Variants in CERCAM observed in about 807,000 individuals in gnomAD.
CERCAM encodes cerebral endothelial cell adhesion molecule.
CERCAM carries 59 observed loss-of-function variants against 66.0 expected under a neutral mutation model. That is an observed-to-expected ratio of 0.89 (90% confidence interval 0.73 to 1.11). The LOEUF (loss-of-function observed/expected upper bound fraction) is 1.11, where lower values mean the gene tolerates loss of function less well. Ranked by LOEUF, CERCAM falls within the 50% of genes most tolerant of loss-of-function variation. CERCAM has a pLI of 0.00. For synonymous variants in CERCAM, 318 were observed against 343.6 expected, an observed-to-expected ratio of 0.93 and a Z score of 0.83; for missense variants, 840 against 828.3, an observed-to-expected ratio of 1.01 and a Z score of -0.17.
chr9:128,432,381 T>G (rs909040103), intron 9 of CERCAM, among the ~76,000 whole-genome samples: 1 of 124,264 alleles, frequency 8.0e-6, no homozygotes, highest in African/African-American at 3.3e-5. Flanking sequence ...GGTTCACTAC[T>G]TTTTTTTTTT....
At chr9:128,436,287 C>T (rs766194374) in intron 12 of CERCAM, among the ~76,000 whole-genome samples, 92 of 152,232 alleles carry the variant, frequency 6.0e-4, no homozygotes, top group Middle Eastern at 6.8e-3. Context: ...TTTGCCCAGG[C>T]TGGAGTGCAG....
In CERCAM at chr9:128,434,241, G is replaced by T; in HGVS notation, c.1331+12G>T. 4 of 1,613,838 alleles carry T rather than the reference G, an allele frequency of 2.5e-6. No individual in the cohort carries two copies. The highest frequency in any genetic ancestry group is 3.4e-6 in the Non-Finnish European group (4 of 1,179,904). On this transcript the variant is annotated intron_variant, in intron 10 of 12. Coordinates refer to ENST00000372838, the MANE Select transcript of CERCAM (RefSeq NM_016174.5). The surrounding 1 kb of genome is among the most constrained non-coding windows in gnomAD (Gnocchi z 4.5). Reference sequence around the variant, plus strand: ...TCTTGGGACCTGATGTAGGCAGCCTGCACCCTCAGGGACAAGGGGGCAGGG... The same window carrying T: ...TCTTGGGACCTGATGTAGGCAGCCTTCACCCTCAGGGACAAGGGGGCAGGG...
chr9:128,428,132 A>T (rs1278162483), intron 5 of CERCAM, among the ~76,000 whole-genome samples, 170 bp from the exon 6 acceptor site: 1 of 152,116 alleles, frequency 6.6e-6, no homozygotes, highest in Non-Finnish European at 1.5e-5. Flanking sequence ...AAGACCCCTT[A>T]GATATTGTGT....
chr9:128,421,068 C>G lies in CERCAM; in HGVS notation c.191C>G (p.Ala64Gly). 7.6e-7 allele frequency: 1 copy of G among 1,316,240 alleles called. No homozygotes were observed. The highest frequency in any genetic ancestry group is 9.7e-7 in the Non-Finnish European group (1 of 1,030,278). 81.5% of individuals were successfully genotyped at this position (1,316,240 alleles called of 1,614,324 possible). A position where few individuals can be genotyped will look rare whatever the true frequency, so the allele number is the denominator to read the frequency against. The stretch of plus-strand genomic sequence containing the variant: ...CTGGACTACCCCCGGGCCAGGATGG[C>G]CCTCTGGTGAGAGACCCGGGCATTG... ...ERLDYPRARM[A>G]LWCATDHNVD... The change falls in exon 1 of 13, where the codon GCC becomes GGC. Residue 64 changes from alanine (A) to glycine (G), a missense_variant. By Grantham distance (60) the Ala-to-Gly change is moderately conservative (BLOSUM62 0). Transcript: ENST00000372838.
chr9:128,423,404 G>A, intron 3 of CERCAM, 141 bp downstream of exon 3: 1 of 683,348 alleles, frequency 1.5e-6, no homozygotes, highest in Non-Finnish European at 2.5e-6. Context: ...ATCACCTGAG[G>A]TCAGAAGTTC....
At position 128,434,611 on chromosome 9, in the gene CERCAM, C is replaced by T. The variant is rs1834066541; in HGVS notation, c.1533C>T (p.Pro511=). 1.9e-6 allele frequency: 3 copies of T among 1,590,256 alleles called. No homozygotes were observed. The East Asian group carries it at 6.8e-5, about 36-fold the overall frequency. The change falls in exon 11 of 13, where the codon CCC becomes CCT. Residue 511 remains proline (P), a splice_region_variant and synonymous_variant. Transcript: ENST00000372838. The surrounding 1 kb of genome is among the most constrained non-coding windows in gnomAD (Gnocchi z 4.5). ...EFLPIMFDQH[P]NEQYKAHFWP... ...TGCCCATCATGTTCGACCAGCACCCCAAGTGAGGCTCTGATGGGGGCCGGG... is the reference window on the plus strand; with the variant it reads ...TGCCCATCATGTTCGACCAGCACCCTAAGTGAGGCTCTGATGGGGGCCGGG...
intron 1 of CERCAM, chr9:128,421,345 T>A: frequency 8.4e-7 from 1 of 1,192,530 alleles, no homozygotes. Flanking sequence ...CTTCCCTGGG[T>A]GTAGGTTGGG....
intron 9 of CERCAM, 36 bp downstream of exon 9, chr9:128,431,339 G>C (rs1448201125): frequency 6.2e-7 from 1 of 1,611,944 alleles, no homozygotes. Context: ...ACAGCCTTCG[G>C]GGAGAACGGG....
Position 128,424,593 on chromosome 9 carries a change from G to C in CERCAM, c.745G>C (p.Ala249Pro), listed in dbSNP as rs374800255. The C allele has an allele frequency of 6.2e-7, 1 of 1,614,010 alleles. No individual in the cohort carries two copies. The highest frequency in any genetic ancestry group is 2.2e-5 in the East Asian group (1 of 44,886). ...TWPFDDIIVF[A>P]YACQAAGVSV... The stretch of plus-strand genomic sequence containing the variant: ...GCCTTTCGACGACATCATCGTCTTC[G>C]CCTATGCCTGCCAGGCTGCTGGTGA... Residue 249 changes from alanine (A) to proline (P), a missense_variant, in exon 5 of 13, where the codon GCC becomes CCC. Transcript: ENST00000372838.
Position 128,437,071 on chromosome 9 carries a change from C to G in CERCAM, c.*223C>G, listed in dbSNP as rs1311664162. On this transcript the variant is annotated 3_prime_UTR_variant, in exon 13 of 13. Coordinates refer to ENST00000372838, the MANE Select transcript of CERCAM (RefSeq NM_016174.5). Reference sequence around the variant, plus strand: ...GCAAAGGAGCAGGACTCCCAGGCCCCTGTACCCTGCCTGGCCTGATTCAGG... The same window carrying G: ...GCAAAGGAGCAGGACTCCCAGGCCCGTGTACCCTGCCTGGCCTGATTCAGG... The G allele has an allele frequency of 4.5e-4, 69 of 152,464 alleles. No homozygotes were observed. The highest frequency in any genetic ancestry group is 1.5e-5 in the Non-Finnish European group (1 of 68,116). The allele number at this position is 152,464 out of a possible 1,614,324, so 9.4% of individuals were successfully genotyped here. A position where few individuals can be genotyped will look rare whatever the true frequency, so the allele number is the denominator to read the frequency against.
rs1367149078 is a variant in CERCAM, at chr9:128,431,302, A to G, written c.1202A>G (p.Glu401Gly). The change falls in exon 9 of 13, where the codon GAG becomes GGG. Residue 401 changes from glutamate (E) to glycine (G), a missense_variant and splice_region_variant. Coordinates refer to ENST00000372838, the MANE Select transcript of CERCAM (RefSeq NM_016174.5). ...CFLSHYSIWE[E>G]VVARGLARVL... ...CTCAGCCATTACTCCATCTGGGAAG[A>G]GGTGAGGGTGCCTGCTTCCTCCATC... 1 of 1,613,824 alleles carries G rather than the reference A, an allele frequency of 6.2e-7. No homozygotes were observed. The highest frequency in any genetic ancestry group is 1.3e-5 in the African/African-American group (1 of 74,938).
At chr9:128,433,496 A>G (rs1834029201) in intron 9 of CERCAM, among the ~76,000 whole-genome samples, 1 of 152,102 alleles carries the variant, frequency 6.6e-6, no homozygotes, top group African/African-American at 2.4e-5. Flanking sequence ...GCACTCAGGC[A>G]GCTGGAGGAG....
chr9:128,436,935 G>A lies in CERCAM; in HGVS notation c.*87G>A, dbSNP rs1278652353. 2 of 152,318 alleles carry A rather than the reference G, an allele frequency of 1.3e-5. No individual in the cohort carries two copies. Among genetic ancestry groups the A allele is most frequent in the Non-Finnish European group, 2.9e-5 (2 of 68,114 alleles). The allele number at this position is 152,318 out of a possible 1,614,324, so 9.4% of individuals were successfully genotyped here. ...GAGGAGGTTGTTGGCAGGGACTGCA[G>A]ATCCTGTCAGACCTGGCCACCACCT... On this transcript the variant is annotated 3_prime_UTR_variant, in exon 13 of 13. Transcript: ENST00000372838.
rs375323636 is a variant in CERCAM at position 128,434,616 on chromosome 9, G to A, written c.1535+3G>A. ...ATCATGTTCGACCAGCACCCCAAGT[G>A]AGGCTCTGATGGGGGCCGGGCATGG... On this transcript the variant is annotated splice_donor_region_variant and intron_variant, in intron 11 of 12. Transcript: ENST00000372838. This position sits in a 1 kb window ranked among gnomAD's most constrained non-coding sequence, Gnocchi z 4.5. 3.8e-6 allele frequency: 6 copies of A among 1,584,972 alleles called. No homozygotes were observed. The African/African-American group carries it at 5.1e-5, about 13-fold the overall frequency.
intron 5 of CERCAM, among the ~76,000 whole-genome samples, chr9:128,427,273 C>T (rs529664182): frequency 6.6e-5 from 10 of 152,022 alleles, no homozygotes; most frequent in South Asian, 2.1e-4. Context: ...CCACCACAGC[C>T]GGTTAATTTT....
At chr9:128,435,470 A>G (rs1454629883) in intron 11 of CERCAM, among the ~76,000 whole-genome samples, 183 bp from the exon 12 acceptor site, 13 of 152,144 alleles carry the variant, frequency 8.5e-5, no homozygotes, top group Admixed American at 8.5e-4. Context: ...CCTTGTTCTC[A>G]GCCTCTGTTT....
chr9:128,436,388 C>T (rs1834115108), intron 12 of CERCAM, among the ~76,000 whole-genome samples: 1 of 152,178 alleles, frequency 6.6e-6, no homozygotes, highest in Non-Finnish European at 1.5e-5. Context: ...GTTGGGACTA[C>T]AGGCGCCCAC....
At chr9:128,424,848 A>T (rs1833804906) in intron 5 of CERCAM, among the ~76,000 whole-genome samples, 1 of 146,672 alleles carries the variant, frequency 6.8e-6, no homozygotes, top group African/African-American at 2.6e-5. Flanking sequence ...CAGCTTCCCG[A>T]GTAGCTGGGA....
In CERCAM at chr9:128,436,972, ACT is replaced by A. The variant is rs1338283803; in HGVS notation, c.*127_*128del. On this transcript the variant is annotated 3_prime_UTR_variant, in exon 13 of 13. Transcript: ENST00000372838. ...CCTGGCCACCACCTTGGGCATGGCCACTCTGCCCTCTGGACCTGTCTTTCATC... is the reference window on the plus strand; with the variant it reads ...CCTGGCCACCACCTTGGGCATGGCCACTGCCCTCTGGACCTGTCTTTCATC... 6.6e-6 allele frequency: 1 copy of A among 152,102 alleles called. No homozygotes were observed. Among genetic ancestry groups the A allele is most frequent in the East Asian group, 1.9e-4 (1 of 5,182 alleles). 9.4% of individuals were successfully genotyped at this position (152,102 alleles called of 1,614,324 possible).
Sources: allele counts gnomAD v4.1 joint callset (sites outside exome capture counted in the v4.1 genomes callset), GRCh38; gene constraint gnomAD v4.1.1; non-coding constraint Gnocchi (gnomAD v3.1); transcripts MANE v1.5; gene names NCBI Gene and HGNC (gene_info 2026-07-23, HGNC 2026-07-21).